SEMA6D: variants seen among roughly 807,000 people sequenced by gnomAD.
SEMA6D encodes semaphorin 6D.
Under a neutral mutation model 106.6 loss-of-function variants are expected in SEMA6D, and 35 were observed. That is an observed-to-expected ratio of 0.33 (90% confidence interval 0.25 to 0.44). The LOEUF (loss-of-function observed/expected upper bound fraction) is 0.44. SEMA6D is among the 20% of genes least tolerant of loss of function. SEMA6D has a pLI of 1.00. For missense variants in SEMA6D, 1,185 were observed against 1,345.9 expected, an observed-to-expected ratio of 0.88 and a Z score of 1.87; for synonymous variants, 499 against 487.7, an observed-to-expected ratio of 1.02 and a Z score of -0.31.
chr15:47,383,420 C>G (rs1322676171), intron 1 of SEMA6D, among the ~76,000 whole-genome samples: 1 of 152,202 alleles, frequency 6.6e-6, no homozygotes, highest in Non-Finnish European at 1.5e-5. Flanking sequence ...TGATTGGTCT[C>G]TAACTCCTAT....
At chr15:47,610,836 G>A (rs1049221550) in intron 4 of SEMA6D, among the ~76,000 whole-genome samples, 1 of 152,182 alleles carries the variant, frequency 6.6e-6, no homozygotes, top group African/African-American at 2.4e-5. Context: ...GTAGAGAGCA[G>A]AATGAAAGAA....
At chr15:47,220,484 A>G (rs567361632) in intron 1 of SEMA6D, among the ~76,000 whole-genome samples, 1 of 152,288 alleles carries the variant, frequency 6.6e-6, no homozygotes, top group East Asian at 1.9e-4. Flanking sequence ...TCTGCACAGG[A>G]GCCCAGCTAA....
intron 1 of SEMA6D, among the ~76,000 whole-genome samples, chr15:47,407,388 C>CAAAA (rs2040617013): frequency 1.3e-5 from 1 of 79,268 alleles, no homozygotes; most frequent in African/African-American, 4.6e-5. Flanking sequence ...AAAAAAAAAA[C>CAAAA]CAAAACAACA....
intron 1 of SEMA6D, among the ~76,000 whole-genome samples, chr15:47,731,321 C>T (rs1263674984): frequency 2.6e-5 from 4 of 151,244 alleles, no homozygotes; most frequent in African/African-American, 4.8e-5. Context: ...TGCCCCCCCG[C>T]CCCCGGTTGA....
chr15:47,241,768 C>G (rs1244980010), intron 1 of SEMA6D, among the ~76,000 whole-genome samples: 1 of 151,904 alleles, frequency 6.6e-6, no homozygotes, highest in Non-Finnish European at 1.5e-5. Flanking sequence ...GTGTCTGGCT[C>G]CTGTGGACTT....
chr15:47,700,395 G>T (rs142035479), intron 4 of SEMA6D, among the ~76,000 whole-genome samples: 23 of 152,084 alleles, frequency 1.5e-4, no homozygotes, highest in African/African-American at 5.1e-4. Context: ...AATTTGCCAC[G>T]CATGATGGCA....
chr15:47,366,428 A>G (rs1043163949), intron 1 of SEMA6D, among the ~76,000 whole-genome samples: 11 of 152,198 alleles, frequency 7.2e-5, no homozygotes, highest in African/African-American at 1.9e-4. Flanking sequence ...ACACATAGTA[A>G]GAGTTCGGAG....
intron 3 of SEMA6D, among the ~76,000 whole-genome samples, chr15:47,554,445 T>C (rs2045858393): frequency 1.3e-5 from 2 of 152,208 alleles, no homozygotes; most frequent in African/African-American, 4.8e-5. Flanking sequence ...GAGGAGACTC[T>C]CTTTGCAGGG....
At chr15:47,711,676 T>G (rs940966835) in intron 4 of SEMA6D, among the ~76,000 whole-genome samples, 2 of 152,202 alleles carry the variant, frequency 1.3e-5, no homozygotes, top group African/African-American at 4.8e-5. Context: ...TTCACTCCCT[T>G]GCATATTAGC....
At chr15:47,417,528 T>G (rs2041013042) in intron 2 of SEMA6D, among the ~76,000 whole-genome samples, 1 of 150,816 alleles carries the variant, frequency 6.6e-6, no homozygotes, top group Non-Finnish European at 1.5e-5. Context: ...AGGGGCAAGA[T>G]TTACCAAATA....
chr15:47,582,919 A>G (rs2076278854), intron 3 of SEMA6D, among the ~76,000 whole-genome samples: 1 of 152,180 alleles, frequency 6.6e-6, no homozygotes, highest in African/African-American at 2.4e-5. Flanking sequence ...ACAAAGCTAT[A>G]TCATTTGCCA....
intron 3 of SEMA6D, among the ~76,000 whole-genome samples, chr15:47,473,258 G>A (rs1175487968): frequency 6.6e-6 from 1 of 152,150 alleles, no homozygotes; most frequent in Non-Finnish European, 1.5e-5. Flanking sequence ...CCACTGCAGA[G>A]GCAGCTTTGG....
At chr15:47,295,455 C>A (rs1566979086) in intron 1 of SEMA6D, among the ~76,000 whole-genome samples, 1 of 152,130 alleles carries the variant, frequency 6.6e-6, no homozygotes, top group Non-Finnish European at 1.5e-5. Context: ...CTTTTCAAGG[C>A]CTAATTTTAC....
chr15:47,187,459 C>G (rs1469812920), intron 1 of SEMA6D, among the ~76,000 whole-genome samples: 1 of 152,064 alleles, frequency 6.6e-6, no homozygotes, highest in Non-Finnish European at 1.5e-5. Context: ...TTTGCAAGTG[C>G]TTTAATTGTA....
intron 1 of SEMA6D, among the ~76,000 whole-genome samples, chr15:47,197,167 A>G (rs1894417225): frequency 1.3e-5 from 2 of 152,162 alleles, no homozygotes; most frequent in Admixed American, 6.5e-5. Flanking sequence ...TTTCAAGAAC[A>G]GTTGTTCTTC....
chr15:47,626,780 T>A (rs979739483), intron 4 of SEMA6D, among the ~76,000 whole-genome samples: 4 of 152,010 alleles, frequency 2.6e-5, no homozygotes, highest in Non-Finnish European at 4.4e-5. Flanking sequence ...GTTAAGCAAG[T>A]AAAATGAAGT....
chr15:47,597,587 C>T (rs987791379), intron 3 of SEMA6D, among the ~76,000 whole-genome samples: 1 of 151,770 alleles, frequency 6.6e-6, no homozygotes, highest in African/African-American at 2.4e-5. Context: ...ACCTAGAGGA[C>T]ATTATGTTAA....
intron 1 of SEMA6D, among the ~76,000 whole-genome samples, chr15:47,333,236 G>A (rs1196570621): frequency 1.3e-5 from 2 of 152,160 alleles, no homozygotes; most frequent in Non-Finnish European, 2.9e-5. Context: ...ATGATTAACA[G>A]ATTACAATTT....
At chr15:47,383,695 T>A (rs1301102365) in intron 1 of SEMA6D, among the ~76,000 whole-genome samples, 2 of 152,202 alleles carry the variant, frequency 1.3e-5, no homozygotes, top group East Asian at 3.8e-4. Context: ...TGTAAGATAA[T>A]AAAAATTGAA....
Sources: allele counts gnomAD v4.1 joint callset (sites outside exome capture counted in the v4.1 genomes callset), GRCh38; gene constraint gnomAD v4.1.1; transcripts MANE v1.5; gene names NCBI Gene and HGNC (gene_info 2026-07-23, HGNC 2026-07-21).